RCAN2: variants seen among roughly 807,000 people sequenced by gnomAD.
RCAN2 encodes the protein calcipressin-2.
A neutral mutation model predicts 23.6 loss-of-function variants in RCAN2; 9 were observed. That is an observed-to-expected ratio of 0.38 (90% CI 0.23 to 0.67). The LOEUF is 0.67. Among genes scored for constraint, RCAN2 ranks in the 30% least tolerant of loss-of-function variants. The pLI is 0.51. For synonymous variants in RCAN2, 109 were observed against 115.7 expected, an observed-to-expected ratio of 0.94 and a Z score of 0.37; for missense variants, 273 against 302.3, an observed-to-expected ratio of 0.90 and a Z score of 0.72.
At chr6:46,421,950 C>T (rs1766899557) in intron 2 of RCAN2, among the ~76,000 whole-genome samples, 1 of 152,038 alleles carries the variant, frequency 6.6e-6, no homozygotes, top group East Asian at 1.9e-4. Flanking sequence ...AATATAATTT[C>T]CAAGGAAAAT....
At chr6:46,462,487 T>C (rs1297489224) in intron 1 of RCAN2, among the ~76,000 whole-genome samples, 1 of 152,204 alleles carries the variant, frequency 6.6e-6, no homozygotes, top group African/African-American at 2.4e-5. Context: ...TGATAGCACT[T>C]TTTAAACATT....
At chr6:46,356,156 T>A (rs1764823379) in intron 2 of RCAN2, among the ~76,000 whole-genome samples, 1 of 152,148 alleles carries the variant, frequency 6.6e-6, no homozygotes. Flanking sequence ...GGAGACCAAC[T>A]GAAGAAGTGG....
intron 4 of RCAN2, among the ~76,000 whole-genome samples, chr6:46,231,217 G>A (rs987385504): frequency 6.6e-6 from 1 of 152,062 alleles, no homozygotes; most frequent in African/African-American, 2.4e-5. Flanking sequence ...ATATACATAG[G>A]GAGAATGCCA....
chr6:46,347,572 T>TTA (rs1386752583), intron 2 of RCAN2, among the ~76,000 whole-genome samples: 1 of 152,216 alleles, frequency 6.6e-6, no homozygotes, highest in Non-Finnish European at 1.5e-5. Context: ...AAAAAGTATC[T>TTA]TATATGTATT....
At chr6:46,437,299 T>C (rs1266242522) in intron 2 of RCAN2, among the ~76,000 whole-genome samples, 1 of 152,216 alleles carries the variant, frequency 6.6e-6, no homozygotes, top group Admixed American at 6.5e-5. Flanking sequence ...TAGTTTAACA[T>C]GGTATAATAA....
chr6:46,451,203 G>A (rs1161514448), intron 2 of RCAN2, among the ~76,000 whole-genome samples: 2 of 151,920 alleles, frequency 1.3e-5, no homozygotes, highest in Admixed American at 6.6e-5. Flanking sequence ...TCATTTTTAT[G>A]TTTTATAGAT....
intron 2 of RCAN2, among the ~76,000 whole-genome samples, chr6:46,339,014 C>CAAAAAAAAAAAAA (rs3997300): frequency 2.8e-4 from 13 of 47,080 alleles, no homozygotes; most frequent in Non-Finnish European, 3.6e-4. Flanking sequence ...GACCCTGTCT[C>CAAAAAAAAAAAAA]AAAAAAAAAA....
intron 2 of RCAN2, among the ~76,000 whole-genome samples, chr6:46,374,015 A>G (rs1165227717): frequency 6.6e-6 from 1 of 152,200 alleles, no homozygotes; most frequent in Non-Finnish European, 1.5e-5. Flanking sequence ...TATAGAATTT[A>G]ATGTAAATTG....
chr6:46,249,811 C>G (rs559031003), intron 2 of RCAN2, among the ~76,000 whole-genome samples: 1 of 152,068 alleles, frequency 6.6e-6, no homozygotes, highest in Non-Finnish European at 1.5e-5. Context: ...CTGTCAGAAA[C>G]AGGATTCTCT....
At chr6:46,310,924 G>A (rs1229847968) in intron 2 of RCAN2, among the ~76,000 whole-genome samples, 2 of 152,156 alleles carry the variant, frequency 1.3e-5, no homozygotes, top group Admixed American at 1.3e-4. Flanking sequence ...CTTTAAGAGA[G>A]CTAAATATCA....
intron 4 of RCAN2, among the ~76,000 whole-genome samples, chr6:46,233,724 T>TC (rs1210844333): frequency 6.7e-6 from 1 of 149,728 alleles, no homozygotes; most frequent in Non-Finnish European, 1.5e-5. Flanking sequence ...AACACTTCTT[T>TC]TTTTTTTTTT....
intron 2 of RCAN2, among the ~76,000 whole-genome samples, chr6:46,252,131 C>A (rs540077751): frequency 1.3e-5 from 2 of 152,198 alleles, no homozygotes; most frequent in African/African-American, 4.8e-5. Flanking sequence ...ACATTACACA[C>A]ATATCATTTG....
chr6:46,370,848 T>C (rs1582148713), intron 2 of RCAN2, among the ~76,000 whole-genome samples: 2 of 152,240 alleles, frequency 1.3e-5, no homozygotes, highest in East Asian at 3.9e-4. Context: ...ATACTCCTCA[T>C]TGGATGTCCT....
intron 1 of RCAN2, among the ~76,000 whole-genome samples, chr6:46,485,549 G>T (rs769119187): frequency 3.9e-5 from 6 of 152,112 alleles, no homozygotes; most frequent in Non-Finnish European, 5.9e-5. Context: ...CAGGGCAGAG[G>T]GTCCCTGTTT....
At chr6:46,386,441 A>G (rs1765753279) in intron 2 of RCAN2, among the ~76,000 whole-genome samples, 1 of 149,440 alleles carries the variant, frequency 6.7e-6, no homozygotes, top group African/African-American at 2.5e-5. Flanking sequence ...TCTACTAAAA[A>G]TACAAAAAAA....
intron 2 of RCAN2, among the ~76,000 whole-genome samples, chr6:46,437,814 G>A (rs916338778): frequency 6.6e-6 from 1 of 152,066 alleles, no homozygotes; most frequent in South Asian, 2.1e-4. Flanking sequence ...AAAAAGCATG[G>A]AGCTGCCTAA....
chr6:46,423,499 T>C (rs1766943416), intron 2 of RCAN2, among the ~76,000 whole-genome samples: 1 of 152,236 alleles, frequency 6.6e-6, no homozygotes, highest in South Asian at 2.1e-4. Context: ...AGCTCTTTCC[T>C]CTTCCTTGGT....
chr6:46,449,057 G>A (rs1036150927), intron 2 of RCAN2, among the ~76,000 whole-genome samples: 11 of 151,680 alleles, frequency 7.3e-5, no homozygotes, highest in South Asian at 4.1e-4. Context: ...TGCAGATTAC[G>A]TGATCTTATA....
intron 1 of RCAN2, among the ~76,000 whole-genome samples, chr6:46,484,878 A>G (rs1268283836): frequency 1.3e-5 from 2 of 152,198 alleles, no homozygotes; most frequent in Non-Finnish European, 2.9e-5. Context: ...GGTAGGGGCT[A>G]TCTCTGGAAA....
Sources: gnomAD v4.1 joint callset for allele counts (sites outside exome capture counted in the v4.1 genomes callset) on GRCh38, gnomAD v4.1.1 for gene constraint, MANE v1.5 for transcripts, NCBI Gene and HGNC (gene_info 2026-07-23, HGNC 2026-07-21) for gene names.